Variants in RALGAPA2 observed in about 807,000 individuals in gnomAD.
RALGAPA2 encodes Ral GTPase activating protein catalytic subunit alpha 2.
A neutral mutation model predicts 230.4 loss-of-function variants in RALGAPA2; 139 were observed. That is an observed-to-expected ratio of 0.60 (90% CI 0.53 to 0.69). RALGAPA2 has a LOEUF of 0.69. Among genes scored for constraint, RALGAPA2 ranks in the 30% least tolerant of loss-of-function variants. The pLI is 0.00. For missense variants in RALGAPA2, 2,163 were observed against 2,276.0 expected (o/e 0.95, Z 1.01); for synonymous variants, 847 against 837.8 (o/e 1.01, Z -0.19).
intron 3 of RALGAPA2, among the ~76,000 whole-genome samples, chr20:20,666,976 G>GT (rs2067975281): frequency 6.6e-6 from 1 of 152,150 alleles, no homozygotes; most frequent in Non-Finnish European, 1.5e-5. Flanking sequence ...TCTCAGAATT[G>GT]TTTGTAATCC....
chr20:20,451,425 T>G (rs959288817), intron 37 of RALGAPA2, among the ~76,000 whole-genome samples: 3 of 152,170 alleles, frequency 2.0e-5, no homozygotes, highest in Admixed American at 6.5e-5. Context: ...ATTACCCTCT[T>G]AGGTTGAAGT....
chr20:20,611,779 C>A (rs1350719876), intron 13 of RALGAPA2, among the ~76,000 whole-genome samples: 2 of 152,184 alleles, frequency 1.3e-5, no homozygotes, highest in Admixed American at 6.5e-5. Flanking sequence ...ATATGCAGCA[C>A]TCTTTAATTT....
At chr20:20,658,435 A>T (rs1291348165) in intron 3 of RALGAPA2, among the ~76,000 whole-genome samples, 2 of 152,222 alleles carry the variant, frequency 1.3e-5, no homozygotes, top group African/African-American at 2.4e-5. Flanking sequence ...TACTGCAGCC[A>T]ATATTCTAAG....
chr20:20,422,475 G>A (rs2060296704), intron 37 of RALGAPA2, among the ~76,000 whole-genome samples: 1 of 152,094 alleles, frequency 6.6e-6, no homozygotes, highest in Non-Finnish European at 1.5e-5. Flanking sequence ...GGAGGCTGAG[G>A]TGAGAGGATC....
Position 20,511,310 on chromosome 20 carries a change from T to A in RALGAPA2, c.4872A>T (p.Leu1624=). 6.4e-7 allele frequency: 1 copy of A among 1,557,170 alleles called. No individual in the cohort carries two copies. The highest frequency in any genetic ancestry group is 8.7e-7 in the Non-Finnish European group (1 of 1,150,252). ...NSWDRRKNFH[L]LKKNSKLLRE... is the part of the protein sequence containing the mutation. ...TCAATAATTTTGAATTTTTCTTCAA[T>A]AGATGAAAATTCTTCCTATAAAGAA... Residue 1624 remains leucine (L), a synonymous_variant, in exon 33 of 40, where the codon CTA becomes CTT. Transcript: ENST00000202677.
intron 37 of RALGAPA2, among the ~76,000 whole-genome samples, chr20:20,431,084 G>GT (rs1339464674): frequency 1.3e-5 from 2 of 152,100 alleles, no homozygotes; most frequent in Non-Finnish European, 2.9e-5. Flanking sequence ...TTTGTGGAGC[G>GT]AGTCCCCCTG....
In RALGAPA2 at chr20:20,633,566, C is replaced by T. The variant is rs2066759246; in HGVS notation, c.1005+1852G>A. ...GCAGTGGCGCGATCTCCGCTCAGTGCAAGCTCCGCCTCCTGGGTTCATGCC... is the reference window on the plus strand; with the variant it reads ...GCAGTGGCGCGATCTCCGCTCAGTGTAAGCTCCGCCTCCTGGGTTCATGCC... On this transcript the variant is annotated intron_variant, in intron 9 of 39. Transcript: ENST00000202677. 2.0e-5 allele frequency among the ~76,000 whole-genome samples: 3 copies of T among 152,342 alleles called. No individual in the cohort carries two copies. In the South Asian group the frequency reaches 6.2e-4, roughly 32 times the overall value.
intron 1 of RALGAPA2, among the ~76,000 whole-genome samples, chr20:20,693,223 A>C (rs1253314306): frequency 6.6e-6 from 1 of 152,226 alleles, no homozygotes; most frequent in East Asian, 1.9e-4. Context: ...TTAGTGTTAA[A>C]GTTTTTAAAA....
chr20:20,612,517 TA>T (rs2066006445), intron 13 of RALGAPA2, among the ~76,000 whole-genome samples: 1 of 152,220 alleles, frequency 6.6e-6, no homozygotes, highest in Non-Finnish European at 1.5e-5. Flanking sequence ...CTGAACCTCA[TA>T]AAATTCCTCA....
chr20:20,462,576 G>T (rs2061327958), intron 37 of RALGAPA2, among the ~76,000 whole-genome samples: 2 of 152,150 alleles, frequency 1.3e-5, no homozygotes, highest in Non-Finnish European at 2.9e-5. Flanking sequence ...TTAGAGTGTG[G>T]TAAAATTCCT....
At chr20:20,582,474 C>T (rs1314284953) in intron 20 of RALGAPA2, among the ~76,000 whole-genome samples, 5 of 152,016 alleles carry the variant, frequency 3.3e-5, no homozygotes, top group African/African-American at 1.2e-4. Context: ...AGTATGAAGT[C>T]ATTTTTTTTA....
intron 1 of RALGAPA2, among the ~76,000 whole-genome samples, chr20:20,685,463 C>T (rs2068666570): frequency 6.6e-6 from 1 of 152,126 alleles, no homozygotes; most frequent in South Asian, 2.1e-4. Flanking sequence ...CTCACCATAG[C>T]CCAATGAAAT....
At chr20:20,428,612 C>T (rs2060436392) in intron 37 of RALGAPA2, among the ~76,000 whole-genome samples, 1 of 152,146 alleles carries the variant, frequency 6.6e-6, no homozygotes, top group African/African-American at 2.4e-5. Context: ...GTCTCAAGGC[C>T]AGGAGGCTGG....
At chr20:20,396,282 C>T (rs911786873) in intron 39 of RALGAPA2, among the ~76,000 whole-genome samples, 1 of 152,270 alleles carries the variant, frequency 6.6e-6, no homozygotes, top group African/African-American at 2.4e-5. Context: ...CAGAGGCCTC[C>T]ATTAAGGCTG....
intron 1 of RALGAPA2, among the ~76,000 whole-genome samples, chr20:20,692,356 A>C (rs931972932): frequency 1.2e-4 from 18 of 152,222 alleles, no homozygotes; most frequent in African/African-American, 4.3e-4. Context: ...AGCATTCTTC[A>C]TAGTATTTTA....
intron 30 of RALGAPA2, 36 bp from the exon 31 acceptor site, chr20:20,521,136 A>G: frequency 6.5e-7 from 1 of 1,530,898 alleles, no homozygotes; most frequent in Non-Finnish European, 8.9e-7. Flanking sequence ...CACGGATGCT[A>G]CTCACCGCGT....
At position 20,398,764 on chromosome 20, in the gene RALGAPA2, CA is replaced by C. The variant is rs2059770252; in HGVS notation, c.5618-2031del. ...CTGTCCTATCCCTTTGTCAAATGAG[CA>C]GCAGATATGTGCCAGGTACTGTTTT... On this transcript the variant is annotated intron_variant, in intron 38 of 39. Transcript: ENST00000202677. This position sits in a 1 kb window ranked among gnomAD's most constrained non-coding sequence, Gnocchi z 4.5. 6.6e-6 allele frequency among the ~76,000 whole-genome samples: 1 copy of C among 152,134 alleles called. No homozygotes were observed. Among genetic ancestry groups the C allele is most frequent in the South Asian group, 2.1e-4 (1 of 4,822 alleles).
At chr20:20,500,132 T>A (rs574581620) in intron 35 of RALGAPA2, among the ~76,000 whole-genome samples, 2 of 152,264 alleles carry the variant, frequency 1.3e-5, no homozygotes, top group South Asian at 2.1e-4. Flanking sequence ...TGGTACAGGG[T>A]TTTGCCTTGA....
At position 20,391,392 on chromosome 20, in the gene RALGAPA2, C is replaced by G. The variant is rs956107746; in HGVS notation, c.*1897G>C. ...ATCCTGGGCCCTTCCCAAAACGGCC[C>G]AGGGGCCAGAAGCTTCCTTCCACTT... is the stretch of plus-strand genomic sequence containing the variant. On this transcript the variant is annotated 3_prime_UTR_variant, in exon 40 of 40. Transcript: ENST00000202677. The G allele has an allele frequency of 6.6e-6, 1 of 152,268 alleles. No homozygotes were observed. The highest frequency in any genetic ancestry group is 2.4e-5 in the African/African-American group (1 of 41,458). The allele number at this position is 152,268 out of a possible 1,614,324, so 9.4% of individuals were successfully genotyped here.
Sources: allele counts gnomAD v4.1 joint callset (sites outside exome capture counted in the v4.1 genomes callset), GRCh38; gene constraint gnomAD v4.1.1; non-coding constraint Gnocchi (gnomAD v3.1); transcripts MANE v1.5; gene names NCBI Gene and HGNC (gene_info 2026-07-23, HGNC 2026-07-21).